The following GULP1 variants were observed in gnomAD, a reference collection of about 807,000 sequenced individuals.
The protein encoded by GULP1 is GULP PTB domain containing engulfment adaptor 1, also known as PTB domain-containing engulfment adapter protein 1.
GULP1 carries 19 observed loss-of-function variants against 40.9 expected under a neutral mutation model. The observed-to-expected ratio is 0.46, with a 90% CI of 0.32 to 0.68. GULP1 has a LOEUF of 0.68. Among genes scored for constraint, GULP1 ranks in the 30% least tolerant of loss-of-function variants. The probability of loss-of-function intolerance (pLI) is 0.03; values close to 1 mark genes in which losing one functional copy is unlikely to be tolerated. For synonymous variants in GULP1, 119 were observed against 117.6 expected, an observed-to-expected ratio of 1.01 and a Z score of -0.08; for missense variants, 312 against 362.2, an observed-to-expected ratio of 0.86 and a Z score of 1.12.
chr2:188,391,807 T>C (rs2050566514), intron 2 of GULP1, among the ~76,000 whole-genome samples: 1 of 152,102 alleles, frequency 6.6e-6, no homozygotes, highest in South Asian at 2.1e-4. Flanking sequence ...TTTTGAGGGT[T>C]TTTACCATAA....
In GULP1 at chr2:188,292,493, C is replaced by T. The variant is rs1049723839; in HGVS notation, c.-172+327C>T. On this transcript the variant is annotated intron_variant, in intron 1 of 11. Coordinates refer to ENST00000409830, the MANE Select transcript of GULP1 (RefSeq NM_016315.4). The surrounding 1 kb of genome is among the most constrained non-coding windows in gnomAD (Gnocchi z 4.0). ...CTCCGGGCTCCAGAAACCTCCTTAG[C>T]CTTTTGTGGTAACTTTGGTCCGGCG... Among the ~76,000 whole-genome samples the T allele has an allele frequency of 6.6e-6, 1 of 152,140 alleles. No homozygotes were observed. Among genetic ancestry groups the T allele is most frequent in the South Asian group, 2.1e-4 (1 of 4,836 alleles).
intron 1 of GULP1, among the ~76,000 whole-genome samples, chr2:188,314,788 G>A (rs74942205): frequency 3.9e-5 from 6 of 152,068 alleles, no homozygotes; most frequent in Non-Finnish European, 5.9e-5. Flanking sequence ...AGAAATAAAC[G>A]ATTCTTGTTT....
chr2:188,418,265 C>T (rs1025922999), intron 2 of GULP1, among the ~76,000 whole-genome samples: 4 of 152,166 alleles, frequency 2.6e-5, no homozygotes, highest in Middle Eastern at 3.4e-3. Context: ...GGTTAGATTA[C>T]GGTTTAATTT....
chr2:188,313,730 T>G (rs2038589535), intron 1 of GULP1, among the ~76,000 whole-genome samples: 3 of 152,214 alleles, frequency 2.0e-5, no homozygotes, highest in African/African-American at 4.8e-5. Context: ...ACAATATTGA[T>G]TTTTCCTATC....
At chr2:188,507,194 C>G (rs2064002845) in intron 4 of GULP1, among the ~76,000 whole-genome samples, 1 of 151,826 alleles carries the variant, frequency 6.6e-6, no homozygotes. Context: ...CCCAAACTAC[C>G]TGCTTTATAA....
intron 2 of GULP1, among the ~76,000 whole-genome samples, chr2:188,420,407 A>G (rs2055234317): frequency 6.6e-6 from 1 of 152,000 alleles, no homozygotes; most frequent in Non-Finnish European, 1.5e-5. Context: ...TTTATTTCTA[A>G]GTATTTTATT....
chr2:188,332,135 A>G (rs1338103623), intron 1 of GULP1, among the ~76,000 whole-genome samples: 1 of 151,146 alleles, frequency 6.6e-6, no homozygotes. Flanking sequence ...TGATGATAGC[A>G]TTAATAGTCA....
intron 1 of GULP1, among the ~76,000 whole-genome samples, chr2:188,319,224 A>G (rs1398335582): frequency 6.6e-6 from 1 of 152,138 alleles, no homozygotes; most frequent in Non-Finnish European, 1.5e-5. Context: ...TTGTAAAAAT[A>G]AAAGTTTTTA....
intron 1 of GULP1, among the ~76,000 whole-genome samples, chr2:188,376,883 A>C (rs2048354828): frequency 6.6e-6 from 1 of 152,216 alleles, no homozygotes; most frequent in African/African-American, 2.4e-5. Flanking sequence ...ACAAGAAATA[A>C]ATAATTTGGG....
At chr2:188,465,782 C>T (rs1340204016) in intron 2 of GULP1, among the ~76,000 whole-genome samples, 2 of 152,068 alleles carry the variant, frequency 1.3e-5, no homozygotes, top group Non-Finnish European at 2.9e-5. Context: ...CCCCAGTGCA[C>T]AGCAATGCTC....
chr2:188,334,234 G>A (rs1028811024), intron 1 of GULP1, among the ~76,000 whole-genome samples: 4 of 152,162 alleles, frequency 2.6e-5, no homozygotes, highest in Non-Finnish European at 5.9e-5. Flanking sequence ...ACGTTGGTAA[G>A]CATTCTAGAA....
intron 5 of GULP1, among the ~76,000 whole-genome samples, chr2:188,524,147 A>G (rs1442943349): frequency 1.3e-5 from 2 of 152,296 alleles, no homozygotes; most frequent in East Asian, 1.9e-4. Flanking sequence ...TGAAAGAACA[A>G]TGTTATTTAC....
chr2:188,564,679 A>G (rs535286885), intron 7 of GULP1, among the ~76,000 whole-genome samples: 1 of 152,054 alleles, frequency 6.6e-6, no homozygotes, highest in Admixed American at 6.5e-5. Flanking sequence ...AATTCTGATT[A>G]AAATCACAAT....
intron 6 of GULP1, among the ~76,000 whole-genome samples, chr2:188,529,553 T>A (rs556049363): frequency 1.3e-5 from 2 of 152,300 alleles, no homozygotes; most frequent in African/African-American, 4.8e-5. Context: ...CTGCATTGAC[T>A]TTTATTTCCT....
At position 188,464,263 on chromosome 2, in the gene GULP1, A is replaced by G. The variant is rs74593452; in HGVS notation, c.-44-13396A>G. ...AATGCTGTGGTTCTTATAGACTCAT[A>G]GAGGTACTATATTGATGGTCTAGGT... On this transcript the variant is annotated intron_variant, in intron 2 of 11. Transcript: ENST00000409830. 4.3e-3 allele frequency among the ~76,000 whole-genome samples: 654 copies of G among 152,276 alleles called. 10 individuals are homozygous for G. Among genetic ancestry groups the G allele is most frequent in the African/African-American group, 0.015 (620 of 41,550 alleles).
intron 4 of GULP1, among the ~76,000 whole-genome samples, chr2:188,489,158 G>A (rs2062124660): frequency 6.6e-6 from 1 of 151,948 alleles, no homozygotes; most frequent in Non-Finnish European, 1.5e-5. Context: ...TCAAAAAAAG[G>A]AAATGAAAGA....
chr2:188,546,625 A>T (rs1279617498), intron 7 of GULP1, among the ~76,000 whole-genome samples: 2 of 152,054 alleles, frequency 1.3e-5, no homozygotes, highest in Non-Finnish European at 2.9e-5. Context: ...GTCTCAAATG[A>T]ATAATCTATG....
intron 2 of GULP1, among the ~76,000 whole-genome samples, chr2:188,471,540 G>A (rs2060593013): frequency 6.6e-6 from 1 of 151,896 alleles, no homozygotes; most frequent in Admixed American, 6.6e-5. Flanking sequence ...TCCCTTGTAT[G>A]TTTTTTGGTT....
chr2:188,412,542 C>G (rs1253042613), intron 2 of GULP1, among the ~76,000 whole-genome samples: 2 of 152,146 alleles, frequency 1.3e-5, no homozygotes, highest in African/African-American at 4.8e-5. Flanking sequence ...TCCCATAACA[C>G]CTGGTGATTA....
Sources: gnomAD v4.1 joint callset for allele counts (sites outside exome capture counted in the v4.1 genomes callset) on GRCh38, gnomAD v4.1.1 for gene constraint, Gnocchi (gnomAD v3.1) non-coding constraint, MANE v1.5 for transcripts, NCBI Gene and HGNC (gene_info 2026-07-23, HGNC 2026-07-21) for gene names.